Variants in SRBD1 observed in about 807,000 individuals in gnomAD.
The protein encoded by SRBD1 is S1 RNA binding domain 1.
Under a neutral mutation model 115.3 loss-of-function variants are expected in SRBD1, and 88 were observed. The ratio of observed to expected loss-of-function variants is 0.76; its 90% CI spans 0.64 to 0.91. SRBD1 has a LOEUF of 0.91. Among genes scored for constraint, SRBD1 ranks in the 40% least tolerant of loss-of-function variants. The pLI is 0.00. For missense variants in SRBD1, 1,385 were observed against 1,177.4 expected (o/e 1.18, Z -2.58); for synonymous variants, 509 against 407.7 (o/e 1.25, Z -2.99).
chr2:45,478,984 ACT>A (rs1434120202), intron 15 of SRBD1, among the ~76,000 whole-genome samples: 1 of 152,048 alleles, frequency 6.6e-6, no homozygotes, highest in Non-Finnish European at 1.5e-5. Context: ...CATTTTGGTA[ACT>A]CTCAGAAATA....
chr2:45,558,465 T>C (rs1300939167), intron 10 of SRBD1, among the ~76,000 whole-genome samples: 1 of 152,174 alleles, frequency 6.6e-6, no homozygotes, highest in Non-Finnish European at 1.5e-5. Flanking sequence ...ACTAGTAACA[T>C]ACAATTCCAA....
At chr2:45,592,605 G>A (rs1044181713) in intron 4 of SRBD1, among the ~76,000 whole-genome samples, 1 of 152,112 alleles carries the variant, frequency 6.6e-6, no homozygotes, top group Non-Finnish European at 1.5e-5. Context: ...ATTCTTTGGA[G>A]GAGGAGGCAA....
At chr2:45,445,706 T>C (rs1668803450) in intron 16 of SRBD1, among the ~76,000 whole-genome samples, 1 of 152,100 alleles carries the variant, frequency 6.6e-6, no homozygotes, top group Admixed American at 6.6e-5. Context: ...TCCATCATTG[T>C]TTTAATAATA....
intron 16 of SRBD1, among the ~76,000 whole-genome samples, chr2:45,434,929 C>T (rs773083874): frequency 6.6e-6 from 1 of 151,814 alleles, no homozygotes; most frequent in South Asian, 2.1e-4. Flanking sequence ...GCTCCCCCCA[C>T]CCCACGACAG....
At position 45,504,768 on chromosome 2, in the gene SRBD1, C is replaced by T. The variant is rs147938005; in HGVS notation, c.1875-16437G>A. Among the ~76,000 whole-genome samples, 410 of 152,162 alleles carry T rather than the reference C, an allele frequency of 2.7e-3. 4 individuals are homozygous for T. The highest frequency in any genetic ancestry group is 9.2e-3 in the African/African-American group (384 of 41,520). Reference sequence around the variant, plus strand: ...AGGGGGAAAAGGGAAGAGGAAGCGGCAAGGACCTTAAACAGGAGGTCTTAC... The same window carrying T: ...AGGGGGAAAAGGGAAGAGGAAGCGGTAAGGACCTTAAACAGGAGGTCTTAC... On this transcript the variant is annotated intron_variant, in intron 14 of 20. Transcript: ENST00000263736.
chr2:45,554,658 C>A (rs1672415905), intron 10 of SRBD1, among the ~76,000 whole-genome samples: 1 of 152,062 alleles, frequency 6.6e-6, no homozygotes, highest in Non-Finnish European at 1.5e-5. Context: ...CAAATGTAGC[C>A]TCACTGAAAC....
At chr2:45,572,538 T>C (rs1347119599) in intron 9 of SRBD1, among the ~76,000 whole-genome samples, 1 of 152,122 alleles carries the variant, frequency 6.6e-6, no homozygotes, top group Non-Finnish European at 1.5e-5. Flanking sequence ...CTAGTAGACC[T>C]GCCTTACATG....
At chr2:45,427,356 T>A (rs900260979) in intron 16 of SRBD1, among the ~76,000 whole-genome samples, 3 of 151,982 alleles carry the variant, frequency 2.0e-5, no homozygotes, top group African/African-American at 7.3e-5. Context: ...TCAAGACCCA[T>A]CAGTGTGCTG....
At chr2:45,455,709 C>T (rs539650047) in intron 16 of SRBD1, among the ~76,000 whole-genome samples, 27 of 151,288 alleles carry the variant, frequency 1.8e-4, no homozygotes, top group Non-Finnish European at 2.4e-4. Flanking sequence ...TTAAATCCTG[C>T]GAGTACAGAT....
chr2:45,493,626 C>G (rs1386988085), intron 14 of SRBD1, among the ~76,000 whole-genome samples: 1 of 151,836 alleles, frequency 6.6e-6, no homozygotes, highest in Non-Finnish European at 1.5e-5. Context: ...GCCTGACTAA[C>G]ATGGTGAATC....
At chr2:45,437,793 T>C (rs1014710029) in intron 16 of SRBD1, among the ~76,000 whole-genome samples, 2 of 152,092 alleles carry the variant, frequency 1.3e-5, no homozygotes, top group African/African-American at 4.8e-5. Context: ...ATGTAAAACA[T>C]GAAACCATAA....
chr2:45,565,303 C>A (rs1274669552), intron 9 of SRBD1, among the ~76,000 whole-genome samples: 3 of 152,104 alleles, frequency 2.0e-5, no homozygotes, highest in Admixed American at 2.0e-4. Flanking sequence ...GGAATAGAAT[C>A]GGAGTCCAGA....
Position 45,549,564 on chromosome 2 carries a change from A to C in SRBD1, c.1675+1561T>G, listed in dbSNP as rs1217859753. 2.0e-5 allele frequency among the ~76,000 whole-genome samples: 3 copies of C among 151,996 alleles called. No individual in the cohort carries two copies. The East Asian group carries it at 5.8e-4, about 29-fold the overall frequency. On this transcript the variant is annotated intron_variant, in intron 12 of 20. Transcript: ENST00000263736. ...CTTAAAAAAAAACATTACAGAAAAT[A>C]AGAGTAACGTTAATTCTGGCTCATG...
At chr2:45,569,377 A>T (rs1572788996) in intron 9 of SRBD1, 1 of 152,148 alleles carries the variant, frequency 6.6e-6, no homozygotes, top group South Asian at 2.1e-4. Flanking sequence ...ACTAAACTCA[A>T]TGTGAACACC....
chr2:45,401,864 T>A, intron 19 of SRBD1, among the ~76,000 whole-genome samples: 1 of 152,320 alleles, frequency 6.6e-6, no homozygotes, highest in East Asian at 1.9e-4. Flanking sequence ...ATAAAACCAA[T>A]GTAAACTCTT....
chr2:45,445,668 G>A lies in SRBD1; in HGVS notation c.2050-25774C>T, dbSNP rs960980903. ...ATGTTAGACAGCATAGAAAAACCAT[G>A]TTGTCAGTGACTTAAACCATGCCAG... On this transcript the variant is annotated intron_variant, in intron 16 of 20. Coordinates refer to ENST00000263736, the MANE Select transcript of SRBD1 (RefSeq NM_018079.5). Among the ~76,000 whole-genome samples the A allele has an allele frequency of 2.0e-5, 3 of 150,602 alleles. No individual in the cohort carries two copies. The South Asian group carries it at 6.4e-4, about 32-fold the overall frequency.
At chr2:45,436,466 C>T (rs6747555) in intron 16 of SRBD1, among the ~76,000 whole-genome samples, 32,591 of 152,048 alleles carry the variant, frequency 0.21, 5,404 homozygotes, top group African/African-American at 0.46. Context: ...ATTTTCACAC[C>T]GCTATAAAGA....
chr2:45,465,000 T>TACACACACACACAC (rs58288876), intron 16 of SRBD1, among the ~76,000 whole-genome samples: 2 of 120,306 alleles, frequency 1.7e-5, no homozygotes, highest in East Asian at 5.2e-4. Flanking sequence ...GTTGAGATTG[T>TACACACACACACAC]ACACACACAC....
intron 16 of SRBD1, among the ~76,000 whole-genome samples, chr2:45,428,210 A>G (rs1004206361): frequency 1.3e-5 from 2 of 152,212 alleles, no homozygotes; most frequent in Non-Finnish European, 2.9e-5. Flanking sequence ...TCAAAACCAC[A>G]CAACTACATG....
Sources: allele counts gnomAD v4.1 joint callset (sites outside exome capture counted in the v4.1 genomes callset), GRCh38; gene constraint gnomAD v4.1.1; transcripts MANE v1.5; gene names NCBI Gene and HGNC (gene_info 2026-07-23, HGNC 2026-07-21).